ZNF646: variants seen among roughly 807,000 people sequenced by gnomAD.
ZNF646 encodes zinc finger protein 646.
In ZNF646, 49 loss-of-function variants were observed where a neutral mutation model predicts 115.4. The ratio of observed to expected loss-of-function variants is 0.42; its 90% CI spans 0.34 to 0.54. ZNF646 has a LOEUF of 0.54. ZNF646 is among the 20% of genes least tolerant of loss of function. The probability of loss-of-function intolerance (pLI) is 0.04; values close to 1 mark genes in which losing one functional copy is unlikely to be tolerated. For synonymous variants in ZNF646, 933 were observed against 939.0 expected (o/e 0.99, Z 0.12); for missense variants, 2,269 against 2,457.9 (o/e 0.92, Z 1.62).
Position 31,083,370 on chromosome 16 carries a change from C to A in ZNF646, c.*278C>A. The stretch of plus-strand genomic sequence containing the variant: ...CACCAGGGAGAGGCGGATGCAGAGC[C>A]CCACCGGTGGGAAAGTTGCCTGTGG... On this transcript the variant is annotated 3_prime_UTR_variant, in exon 3 of 3. Transcript: ENST00000300850. The A allele has an allele frequency of 2.8e-6, 3 of 1,056,460 alleles. No individual in the cohort carries two copies. The South Asian group carries it at 6.8e-5, about 24-fold the overall frequency. 65.4% of individuals were successfully genotyped at this position (1,056,460 alleles called of 1,614,324 possible).
Sources: gnomAD v4.1 joint callset for allele counts on GRCh38, gnomAD v4.1.1 for gene constraint, MANE v1.5 for transcripts, NCBI Gene and HGNC (gene_info 2026-07-23, HGNC 2026-07-21) for gene names.